The following PNPT1 variants were observed in gnomAD, a reference collection of about 807,000 sequenced individuals.
The protein encoded by PNPT1 is polyribonucleotide nucleotidyltransferase 1.
A neutral mutation model predicts 119.5 loss-of-function variants in PNPT1; 53 were observed. The observed-to-expected ratio is 0.44, with a 90% CI of 0.36 to 0.56. The LOEUF is 0.56. Among genes scored for constraint, PNPT1 ranks in the 20% least tolerant of loss-of-function variants. PNPT1 has a pLI of 0.00. For missense variants in PNPT1, 948 were observed against 938.5 expected (o/e 1.01, Z -0.13); for synonymous variants, 357 against 322.1 (o/e 1.11, Z -1.16).
intron 21 of PNPT1, among the ~76,000 whole-genome samples, chr2:55,645,993 A>T (rs1695989672): frequency 6.6e-6 from 1 of 151,334 alleles, no homozygotes; most frequent in Non-Finnish European, 1.5e-5. Context: ...ATGCCCGGCT[A>T]ATTTTTGTAC....
In PNPT1 at chr2:55,643,417, T is replaced by C. The variant is rs748813401; in HGVS notation, c.1915A>G (p.Ile639Val). 1.1e-5 allele frequency: 18 copies of C among 1,613,732 alleles called. No homozygotes were observed. Among genetic ancestry groups the C allele is most frequent in the Middle Eastern group, 1.7e-4 (1 of 5,786 alleles). The change falls in exon 24 of 28, where the codon ATT (isoleucine) becomes GTT (valine). Residue 639 changes from isoleucine to valine, a missense_variant. Coordinates refer to ENST00000447944, the MANE Select transcript of PNPT1 (RefSeq NM_033109.5). ...KKLQAETGVTISQVDEETFSV... is the reference protein window; with the variant it reads ...KKLQAETGVTVSQVDEETFSV... ...AACGTTTCTTCATCCACCTGACTAATAGTTACACCTTTTAAAAACAAAATG... is the reference window on the plus strand; with the variant it reads ...AACGTTTCTTCATCCACCTGACTAACAGTTACACCTTTTAAAAACAAAATG...
intron 1 of PNPT1, among the ~76,000 whole-genome samples, chr2:55,692,274 T>G (rs959222899): frequency 6.6e-6 from 1 of 152,116 alleles, no homozygotes; most frequent in Non-Finnish European, 1.5e-5. Flanking sequence ...TGGTCCTTTA[T>G]AGAAAAGTTT....
intron 8 of PNPT1, among the ~76,000 whole-genome samples, chr2:55,675,001 C>T (rs1052204549): frequency 2.0e-5 from 3 of 152,122 alleles, no homozygotes; most frequent in Non-Finnish European, 4.4e-5. Context: ...TGGCTCATGC[C>T]TATTGTCCCA....
At chr2:55,683,107 T>C (rs1339182466) in intron 5 of PNPT1, among the ~76,000 whole-genome samples, 1 of 152,188 alleles carries the variant, frequency 6.6e-6, no homozygotes, top group African/African-American at 2.4e-5. Flanking sequence ...AGCAATAAAA[T>C]TAGGTAATAA....
intron 26 of PNPT1, among the ~76,000 whole-genome samples, chr2:55,638,591 G>C (rs1285842152): frequency 1.3e-5 from 2 of 152,078 alleles, no homozygotes; most frequent in Non-Finnish European, 2.9e-5. Context: ...TGAGGCTGCA[G>C]TGAGCTGTGA....
chr2:55,683,887 G>C, intron 4 of PNPT1, 53 bp from the exon 5 acceptor site: 1 of 1,553,656 alleles, frequency 6.4e-7, no homozygotes, highest in Non-Finnish European at 8.9e-7. Context: ...TTGCTTTACA[G>C]TTCAAAACGT....
Position 55,634,552 on chromosome 2 carries a change from G to GT in PNPT1, c.*1684dup, listed in dbSNP as rs1444796726. 3 of 146,740 alleles carry GT rather than the reference G, an allele frequency of 2.0e-5. No homozygotes were observed. Among genetic ancestry groups the GT allele is most frequent in the Non-Finnish European group, 3.0e-5 (2 of 66,922 alleles). 9.1% of individuals were successfully genotyped at this position (146,740 alleles called of 1,614,324 possible). On this transcript the variant is annotated 3_prime_UTR_variant, in exon 28 of 28. Coordinates refer to ENST00000447944, the MANE Select transcript of PNPT1 (RefSeq NM_033109.5). ...GCTGGAATTACAGGCATGAGCTTCT[G>GT]TGCCCACCATTTTTTTTTTTGAGAT...
intron 26 of PNPT1, 147 bp downstream of exon 26, chr2:55,640,480 A>G (rs1282683905): frequency 2.8e-6 from 2 of 708,702 alleles, no homozygotes; most frequent in Non-Finnish European, 4.6e-6. Flanking sequence ...ACAATGTAAA[A>G]CTTTTTGCCA....
At chr2:55,654,306 G>A (rs190708029) in intron 18 of PNPT1, among the ~76,000 whole-genome samples, 9 of 151,514 alleles carry the variant, frequency 5.9e-5, no homozygotes, top group Admixed American at 3.9e-4. Flanking sequence ...CGTTTTTGGC[G>A]TTTCAGACCT....
At chr2:55,673,440 T>A (rs1262733609) in intron 8 of PNPT1, among the ~76,000 whole-genome samples, 4 of 152,020 alleles carry the variant, frequency 2.6e-5, no homozygotes, top group African/African-American at 9.7e-5. Flanking sequence ...CAAGTGCATT[T>A]GTTTTTAATA....
chr2:55,647,612 T>C (rs1361610947), intron 18 of PNPT1, among the ~76,000 whole-genome samples, 159 bp from the exon 19 acceptor site: 2 of 152,014 alleles, frequency 1.3e-5, no homozygotes, highest in East Asian at 3.9e-4. Flanking sequence ...CTCTGCTTCC[T>C]GGGTTCAAGC....
chr2:55,691,431 C>A (rs986565863), intron 1 of PNPT1, among the ~76,000 whole-genome samples: 1 of 152,026 alleles, frequency 6.6e-6, no homozygotes, highest in African/African-American at 2.4e-5. Flanking sequence ...ATAAATGTTG[C>A]CAATGGCAAA....
chr2:55,638,675 A>G (rs1695751181), intron 26 of PNPT1, among the ~76,000 whole-genome samples: 1 of 152,186 alleles, frequency 6.6e-6, no homozygotes, highest in African/African-American at 2.4e-5. Flanking sequence ...GTAGATAACT[A>G]CTGCTAACAT....
At chr2:55,663,653 G>T (rs1696648251) in intron 13 of PNPT1, among the ~76,000 whole-genome samples, 1 of 152,090 alleles carries the variant, frequency 6.6e-6, no homozygotes, top group Non-Finnish European at 1.5e-5. Flanking sequence ...ATTTGAATGG[G>T]TCCTTTTCAT....
intron 1 of PNPT1, among the ~76,000 whole-genome samples, chr2:55,691,793 G>T (rs1440694135): frequency 1.3e-5 from 2 of 148,992 alleles, no homozygotes; most frequent in Non-Finnish European, 1.5e-5. Context: ...TAGTCTAGGG[G>T]TGACCAAACT....
chr2:55,686,583 A>G, intron 2 of PNPT1, 139 bp from the exon 3 acceptor site: 1 of 636,666 alleles, frequency 1.6e-6, no homozygotes, highest in Non-Finnish European at 2.7e-6. Flanking sequence ...AATAAAAAAT[A>G]TTCACAAGTA....
Position 55,671,336 on chromosome 2 carries a change from G to C in PNPT1, c.959C>G (p.Thr320Arg), listed in dbSNP as rs200555807. 1.3e-6 allele frequency: 2 copies of C among 1,534,744 alleles called. No individual in the cohort carries two copies. The highest frequency in any genetic ancestry group is 1.8e-6 in the Non-Finnish European group (2 of 1,139,624). ...AAATTTACCTTTTAGTTGTTCCTCC[G>C]TATCTAATCTTATTTTGTTAACAGC... ...DEAVNKIRLD[T>R]EEQLKEKFPE... is the part of the protein sequence containing the mutation. The change falls in exon 11 of 28, where the codon ACG becomes AGG. Residue 320 changes from threonine to arginine, a missense_variant. By Grantham distance (71) the Thr-to-Arg change is moderately conservative. Coordinates refer to ENST00000447944, the MANE Select transcript of PNPT1 (RefSeq NM_033109.5).
At chr2:55,684,805 GAGA>G in intron 4 of PNPT1, 135 bp downstream of exon 4, 2 of 1,152,520 alleles carry the variant, frequency 1.7e-6, no homozygotes, top group Non-Finnish European at 2.2e-6. Context: ...AGTGAGGGAA[GAGA>G]AGGAGTGAAT....
In PNPT1 at chr2:55,656,382, A is replaced by C; in HGVS notation, c.1285-11T>G. ...TGCATAAGGAGGAAACTTAAAAAAA[A>C]AAAAACACAAACACACATATACAAT... On this transcript the variant is annotated splice_polypyrimidine_tract_variant and intron_variant, in intron 15 of 27. Coordinates refer to ENST00000447944, the MANE Select transcript of PNPT1 (RefSeq NM_033109.5). 1 of 1,586,172 alleles carries C rather than the reference A, an allele frequency of 6.3e-7. No homozygotes were observed. The highest frequency in any genetic ancestry group is 8.6e-7 in the Non-Finnish European group (1 of 1,168,832).
Sources: allele counts gnomAD v4.1 joint callset (sites outside exome capture counted in the v4.1 genomes callset), GRCh38; gene constraint gnomAD v4.1.1; transcripts MANE v1.5; gene names NCBI Gene and HGNC (gene_info 2026-07-23, HGNC 2026-07-21).